Variants in CLIP4 observed in about 807,000 individuals in gnomAD.
CLIP4 encodes CAP-Gly domain containing linker protein family member 4.
In CLIP4, 47 loss-of-function variants were observed where a neutral mutation model predicts 73.1. The observed-to-expected ratio is 0.64, with a 90% CI of 0.51 to 0.82. CLIP4 has a LOEUF of 0.82. Ranked by LOEUF, CLIP4 falls within the 40% of genes least tolerant of loss-of-function variation. The pLI is 0.00. For synonymous variants in CLIP4, 306 were observed against 295.4 expected (o/e 1.04, Z -0.37); for missense variants, 874 against 852.9 (o/e 1.02, Z -0.31).
chr2:29,168,713 G>T (rs1051500404), intron 14 of CLIP4, among the ~76,000 whole-genome samples: 1 of 151,064 alleles, frequency 6.6e-6, no homozygotes, highest in Non-Finnish European at 1.5e-5. Context: ...TAGTAGAGAC[G>T]GGGTTTCATC....
chr2:29,157,370 G>A (rs781043889), intron 11 of CLIP4, 23 bp downstream of exon 11: 16 of 1,613,818 alleles, frequency 9.9e-6, no homozygotes, highest in Middle Eastern at 1.7e-4. Flanking sequence ...TTTTCAACCA[G>A]GCTTTCTTGG....
chr2:29,118,163 G>C (rs569847304), intron 1 of CLIP4: 1 of 152,164 alleles, frequency 6.6e-6, no homozygotes, highest in African/African-American at 2.4e-5. Context: ...TGTAGACACA[G>C]CTTTGGTCTC....
chr2:29,165,260 TTC>T (rs1231444099), intron 13 of CLIP4, among the ~76,000 whole-genome samples: 2 of 79,068 alleles, frequency 2.5e-5, no homozygotes, highest in African/African-American at 9.3e-5. Flanking sequence ...CTTTCTTTCT[TTC>T]TTTTTTTTTT....
chr2:29,129,432 C>T (rs1361690979), intron 2 of CLIP4, among the ~76,000 whole-genome samples: 1 of 151,866 alleles, frequency 6.6e-6, no homozygotes, highest in Non-Finnish European at 1.5e-5. Context: ...ACATACATAG[C>T]TATAAGATCT....
chr2:29,110,513 T>G (rs1668358566), upstream of CLIP4, among the ~76,000 whole-genome samples: 1 of 152,152 alleles, frequency 6.6e-6, no homozygotes, highest in African/African-American at 2.4e-5. Flanking sequence ...AGAATAGAGT[T>G]GCCATTTACT....
intron 14 of CLIP4, among the ~76,000 whole-genome samples, chr2:29,170,786 G>T (rs1161336212): frequency 6.6e-6 from 1 of 151,998 alleles, no homozygotes; most frequent in East Asian, 1.9e-4. Context: ...AGATGTGAGG[G>T]TCTGTGTCTA....
intron 8 of CLIP4, among the ~76,000 whole-genome samples, chr2:29,147,460 T>C (rs1020848965): frequency 1.3e-5 from 2 of 152,176 alleles, no homozygotes; most frequent in Admixed American, 6.5e-5. Context: ...TTAAAGACTT[T>C]TATCAATTCT....
intron 1 of CLIP4, among the ~76,000 whole-genome samples, chr2:29,119,335 C>A (rs1250997097): frequency 6.6e-6 from 1 of 152,162 alleles, no homozygotes; most frequent in African/African-American, 2.4e-5. Flanking sequence ...GAGTTCGTAT[C>A]TTTGAGGATC....
chr2:29,136,744 G>T (rs188424834), intron 6 of CLIP4, among the ~76,000 whole-genome samples: 1 of 152,074 alleles, frequency 6.6e-6, no homozygotes, highest in Non-Finnish European at 1.5e-5. Flanking sequence ...AGAGAGTAGC[G>T]TGCAAGAAGC....
intron 1 of CLIP4, among the ~76,000 whole-genome samples, chr2:29,098,627 G>A (rs1667947010): frequency 6.6e-6 from 1 of 152,074 alleles, no homozygotes. Flanking sequence ...GGAATGTCTT[G>A]GTTGTTTCCA....
intron 6 of CLIP4, among the ~76,000 whole-genome samples, chr2:29,139,172 C>G (rs188863213): frequency 6.7e-6 from 1 of 148,722 alleles, no homozygotes; most frequent in Non-Finnish European, 1.5e-5. Flanking sequence ...GAGGTATGTT[C>G]CTTCAATGCC....
chr2:29,133,923 T>C, intron 5 of CLIP4, 107 bp downstream of exon 5: 1 of 900,216 alleles, frequency 1.1e-6, no homozygotes, highest in East Asian at 2.7e-5. Flanking sequence ...TCTTGTTTCA[T>C]ATGCCTTTCT....
intron 1 of CLIP4, among the ~76,000 whole-genome samples, chr2:29,109,950 C>T (rs759178518): frequency 3.3e-5 from 5 of 151,960 alleles, no homozygotes; most frequent in East Asian, 1.9e-4. Flanking sequence ...CCCAGCTACT[C>T]GGTAGGCTGA....
Position 29,135,684 on chromosome 2 carries a change from A to T in CLIP4, c.648+18A>T. 6.6e-7 allele frequency: 1 copy of T among 1,509,300 alleles called. No homozygotes were observed. The highest frequency in any genetic ancestry group is 9.1e-7 in the Non-Finnish European group (1 of 1,102,828). 93.5% of individuals were successfully genotyped at this position (1,509,300 alleles called of 1,614,324 possible). On this transcript the variant is annotated intron_variant, in intron 6 of 15. Transcript: ENST00000320081. ...CATTTAGGGTAAGAGGTTAAATTAA[A>T]AGTGAAAAATATTAAAAGAATTAAG... is the stretch of plus-strand genomic sequence containing the variant.
chr2:29,123,788 T>C (rs995623122), intron 2 of CLIP4, among the ~76,000 whole-genome samples: 1 of 152,080 alleles, frequency 6.6e-6, no homozygotes, highest in African/African-American at 2.4e-5. Flanking sequence ...TACCAACTAA[T>C]GAGTGTAAAA....
upstream of CLIP4, chr2:29,114,862 GACTC>G (rs1451607175): frequency 6.6e-6 from 1 of 152,208 alleles, no homozygotes; most frequent in African/African-American, 2.4e-5. Flanking sequence ...TCATTAAGGG[GACTC>G]ACTATGTGTC....
Position 29,171,480 on chromosome 2 carries a change from T to G in CLIP4, c.1724-2893T>G, listed in dbSNP as rs564078397. On this transcript the variant is annotated intron_variant, in intron 14 of 15. Transcript: ENST00000320081. ...GACTTGTAACCTTTCTATGTTCTTA[T>G]GTTTTTAGAATATTTCTATATGGCA... Among the ~76,000 whole-genome samples, 25 of 152,214 alleles carry G rather than the reference T, an allele frequency of 1.6e-4. No individual in the cohort carries two copies. The South Asian group carries it at 4.8e-3, about 29-fold the overall frequency.
chr2:29,164,921 G>A (rs1667508536), intron 13 of CLIP4, among the ~76,000 whole-genome samples: 1 of 152,178 alleles, frequency 6.6e-6, no homozygotes, highest in Non-Finnish European at 1.5e-5. Flanking sequence ...AGTTTATAAA[G>A]TATTTTCACT....
At chr2:29,146,518 A>T (rs951247709) in intron 8 of CLIP4, among the ~76,000 whole-genome samples, 8 of 152,136 alleles carry the variant, frequency 5.3e-5, no homozygotes, top group African/African-American at 1.9e-4. Flanking sequence ...CCTCTCTCTC[A>T]CACACACCTA....
Sources: gnomAD v4.1 joint callset for allele counts (sites outside exome capture counted in the v4.1 genomes callset) on GRCh38, gnomAD v4.1.1 for gene constraint, MANE v1.5 for transcripts, NCBI Gene and HGNC (gene_info 2026-07-23, HGNC 2026-07-21) for gene names.